Variants in CCNY observed in about 807,000 individuals in gnomAD.
CCNY encodes the protein cyclin Y.
A neutral mutation model predicts 42.8 loss-of-function variants in CCNY; 19 were observed. The observed-to-expected ratio is 0.44, with a 90% CI of 0.31 to 0.65. The LOEUF (loss-of-function observed/expected upper bound fraction) is 0.65. CCNY is among the 30% of genes least tolerant of loss of function. The pLI is 0.07. For missense variants in CCNY, 370 were observed against 437.3 expected (o/e 0.85, Z 1.37); for synonymous variants, 165 against 162.7 (o/e 1.01, Z -0.11).
At chr10:35,437,223 A>G (rs1349567224) in intron 1 of CCNY, among the ~76,000 whole-genome samples, 1 of 152,142 alleles carries the variant, frequency 6.6e-6, no homozygotes, top group Non-Finnish European at 1.5e-5. Context: ...TATCAGTGTC[A>G]CTTGACGGAA....
At position 35,572,280 on chromosome 10, in the gene CCNY, AT is replaced by A. The variant is rs975567283; in HGVS notation, c.*3121del. The A allele has an allele frequency of 4.3e-4, 64 of 147,912 alleles. No homozygotes were observed. Among genetic ancestry groups the A allele is most frequent in the Admixed American group, 1.3e-3 (19 of 14,778 alleles). 9.2% of individuals were successfully genotyped at this position (147,912 alleles called of 1,614,324 possible). A position where few individuals can be genotyped will look rare whatever the true frequency, so the allele number is the denominator to read the frequency against. ...CTGGGGCCATATTTTACAGATTTGA[AT>A]TTTTTTTTTTCTTTTTTTGAGATGG... On this transcript the variant is annotated 3_prime_UTR_variant, in exon 10 of 10. Transcript: ENST00000374704.
At chr10:35,474,346 G>A (rs1407276845) in intron 1 of CCNY, among the ~76,000 whole-genome samples, 1 of 152,010 alleles carries the variant, frequency 6.6e-6, no homozygotes, top group African/African-American at 2.4e-5. Flanking sequence ...TGGGGGCAGG[G>A]CACAGACAAA....
At chr10:35,348,072 C>T (rs1255057693) in intron 1 of CCNY, among the ~76,000 whole-genome samples, 3 of 152,116 alleles carry the variant, frequency 2.0e-5, no homozygotes, top group Admixed American at 1.3e-4. Flanking sequence ...CCTTTTTTCC[C>T]TCAAGCTGTG....
At chr10:35,464,785 G>A (rs997713544) in intron 1 of CCNY, among the ~76,000 whole-genome samples, 6 of 152,094 alleles carry the variant, frequency 3.9e-5, no homozygotes, top group African/African-American at 1.2e-4. Flanking sequence ...CACCTACATC[G>A]AGTTGATTCT....
At chr10:35,508,077 C>T (rs1280917918) in intron 3 of CCNY, among the ~76,000 whole-genome samples, 1 of 152,188 alleles carries the variant, frequency 6.6e-6, no homozygotes, top group Non-Finnish European at 1.5e-5. Flanking sequence ...AGATATCCTG[C>T]ACTTTATCCC....
At chr10:35,487,483 A>G (rs755070776) in intron 2 of CCNY, among the ~76,000 whole-genome samples, 16 of 152,116 alleles carry the variant, frequency 1.1e-4, no homozygotes, top group South Asian at 4.1e-4. Context: ...ATGATGTGGG[A>G]AACAAGTTGT....
intron 1 of CCNY, among the ~76,000 whole-genome samples, chr10:35,384,836 C>A (rs1445111254): frequency 1.3e-5 from 2 of 152,176 alleles, no homozygotes; most frequent in African/African-American, 4.8e-5. Context: ...AGACAGCAGG[C>A]CTGCCGTCTG....
At chr10:35,363,374 T>G (rs1414216608) in intron 1 of CCNY, among the ~76,000 whole-genome samples, 3 of 147,678 alleles carry the variant, frequency 2.0e-5, no homozygotes, top group African/African-American at 7.8e-5. Context: ...TGCTTCTCAC[T>G]TCCCAGGTGG....
chr10:35,538,600 C>T (rs1840933959), intron 7 of CCNY, among the ~76,000 whole-genome samples: 1 of 152,046 alleles, frequency 6.6e-6, no homozygotes, highest in Admixed American at 6.6e-5. Flanking sequence ...GTTTATTGAC[C>T]ACGTTTTCTT....
At chr10:35,367,608 A>G (rs1836836931) in intron 1 of CCNY, among the ~76,000 whole-genome samples, 1 of 152,250 alleles carries the variant, frequency 6.6e-6, no homozygotes, top group Non-Finnish European at 1.5e-5. Flanking sequence ...ATCTGAAAGC[A>G]GCTGACTTCC....
intron 3 of CCNY, among the ~76,000 whole-genome samples, chr10:35,264,154 A>G (rs1191432193): frequency 6.6e-6 from 1 of 152,182 alleles, no homozygotes; most frequent in Non-Finnish European, 1.5e-5. Context: ...TGTGGCACGT[A>G]TCTTTATAAT....
At chr10:35,540,366 T>C (rs1840973884) in intron 7 of CCNY, among the ~76,000 whole-genome samples, 1 of 152,240 alleles carries the variant, frequency 6.6e-6, no homozygotes, top group South Asian at 2.1e-4. Context: ...ATTAATATGT[T>C]AAATCAACCC....
At chr10:35,252,275 G>T (rs2095712482) in intron 3 of CCNY, among the ~76,000 whole-genome samples, 1 of 152,050 alleles carries the variant, frequency 6.6e-6, no homozygotes, top group African/African-American at 2.4e-5. Context: ...TGAAATATGA[G>T]AATATCCTGG....
chr10:35,526,673 T>G (rs1589181828), intron 5 of CCNY, among the ~76,000 whole-genome samples: 2 of 152,140 alleles, frequency 1.3e-5, no homozygotes, highest in South Asian at 2.1e-4. Flanking sequence ...TTCCAAGTTT[T>G]TTTTTTTTTT....
At chr10:35,322,228 C>T (rs1036976202) in intron 3 of CCNY, among the ~76,000 whole-genome samples, 3 of 151,918 alleles carry the variant, frequency 2.0e-5, no homozygotes, top group African/African-American at 7.3e-5. Context: ...GCAGTGCTTG[C>T]CTCCTGTAGT....
At chr10:35,481,207 C>T (rs998576212) in intron 1 of CCNY, among the ~76,000 whole-genome samples, 1 of 152,136 alleles carries the variant, frequency 6.6e-6, no homozygotes, top group African/African-American at 2.4e-5. Flanking sequence ...AGCATTTCAC[C>T]ATCCAAATGA....
At chr10:35,416,802 GC>G (rs1838034617) in intron 1 of CCNY, among the ~76,000 whole-genome samples, 2 of 152,180 alleles carry the variant, frequency 1.3e-5, no homozygotes, top group Non-Finnish European at 2.9e-5. Flanking sequence ...GATCACTCCA[GC>G]TGTGACTGTT....
chr10:35,290,991 A>G (rs879624334), intron 3 of CCNY, among the ~76,000 whole-genome samples: 12 of 151,904 alleles, frequency 7.9e-5, no homozygotes, highest in Non-Finnish European at 1.3e-4. Flanking sequence ...TTTCCTTTAA[A>G]TGGAATCATG....
intron 1 of CCNY, among the ~76,000 whole-genome samples, chr10:35,482,695 G>A (rs773451030): frequency 4.6e-4 from 70 of 151,614 alleles, no homozygotes; most frequent in Middle Eastern, 3.2e-3. Flanking sequence ...TGTCCACTGG[G>A]GTGGGGGCTC....
Sources: allele counts gnomAD v4.1 joint callset (sites outside exome capture counted in the v4.1 genomes callset), GRCh38; gene constraint gnomAD v4.1.1; transcripts MANE v1.5; gene names NCBI Gene and HGNC (gene_info 2026-07-23, HGNC 2026-07-21).